Variants in CNTNAP2 observed in about 807,000 individuals in gnomAD.
CNTNAP2 encodes contactin-associated protein-like 2.
In CNTNAP2, 98 loss-of-function variants were observed where a neutral mutation model predicts 155.2. The ratio of observed to expected loss-of-function variants is 0.63; its 90% CI spans 0.54 to 0.75. CNTNAP2 has a LOEUF of 0.75. CNTNAP2 is among the 30% of genes least tolerant of loss of function. The pLI is 0.00. For synonymous variants in CNTNAP2, 651 were observed against 631.2 expected (o/e 1.03, Z -0.47); for missense variants, 1,727 against 1,688.1 (o/e 1.02, Z -0.40).
rs554559980 is a variant in CNTNAP2 at position 147,981,025 on chromosome 7, A to G, written c.2383+3036A>G. Among the ~76,000 whole-genome samples, 4 of 152,130 alleles carry G rather than the reference A, an allele frequency of 2.6e-5. No individual in the cohort carries two copies. The South Asian group carries it at 8.3e-4, about 32-fold the overall frequency. On this transcript the variant is annotated intron_variant, in intron 15 of 23. Coordinates refer to ENST00000361727, the MANE Select transcript of CNTNAP2 (RefSeq NM_014141.6). ...CAACTGCATTTTCCAGTTTTTATACATATGTGATCTCCCTGGTTACACACA... is the reference window on the plus strand; with the variant it reads ...CAACTGCATTTTCCAGTTTTTATACGTATGTGATCTCCCTGGTTACACACA...
Position 147,048,728 on chromosome 7 carries a change from A to G in CNTNAP2, c.550+4674A>G, listed in dbSNP as rs1022233617. On this transcript the variant is annotated intron_variant, in intron 4 of 23. Coordinates refer to ENST00000361727, the MANE Select transcript of CNTNAP2 (RefSeq NM_014141.6). ...TTAATTTTTAATTCATTTAAATTCA[A>G]ATTTAAATAATGTGACTACTGGCTA... 5.3e-5 allele frequency among the ~76,000 whole-genome samples: 8 copies of G among 152,314 alleles called. No individual in the cohort carries two copies. The South Asian group carries it at 1.7e-3, about 32-fold the overall frequency.
chr7:147,190,772 CATTAAACTATGTCACCGTTAGCCAG>C (rs1344273781), intron 8 of CNTNAP2, among the ~76,000 whole-genome samples: 1 of 152,164 alleles, frequency 6.6e-6, no homozygotes, highest in Non-Finnish European at 1.5e-5. Flanking sequence ...CTTTATGAAG[CATTAAACTATGTCACCGTTAGCCAG>C]ATTAAACTCA....
chr7:148,051,715 AAT>A (rs1250610240), intron 15 of CNTNAP2, among the ~76,000 whole-genome samples: 2 of 152,248 alleles, frequency 1.3e-5, no homozygotes, highest in Non-Finnish European at 2.9e-5. Context: ...TACTTTAAAA[AAT>A]AGTTTCTATT....
chr7:147,148,406 A>G (rs970310371), intron 8 of CNTNAP2, among the ~76,000 whole-genome samples: 85 of 151,866 alleles, frequency 5.6e-4, no homozygotes, highest in Middle Eastern at 3.4e-3. Flanking sequence ...AAAAAAAAAA[A>G]AAGTGGTGGG....
chr7:146,433,643 T>A (rs550962627), intron 1 of CNTNAP2, among the ~76,000 whole-genome samples: 6 of 152,236 alleles, frequency 3.9e-5, no homozygotes, highest in Non-Finnish European at 5.9e-5. Context: ...AAAGCAAGCA[T>A]GAAGTCATGA....
At chr7:147,751,941 A>G (rs1052754877) in intron 13 of CNTNAP2, among the ~76,000 whole-genome samples, 3 of 152,210 alleles carry the variant, frequency 2.0e-5, no homozygotes, top group African/African-American at 7.2e-5. Context: ...GGTTAAGTGC[A>G]TATACAAATC....
At chr7:146,730,720 G>T (rs949517949) in intron 1 of CNTNAP2, among the ~76,000 whole-genome samples, 2 of 152,212 alleles carry the variant, frequency 1.3e-5, no homozygotes, top group Non-Finnish European at 2.9e-5. Flanking sequence ...TCAGTGAATA[G>T]AACTCCTACT....
intron 9 of CNTNAP2, among the ~76,000 whole-genome samples, chr7:147,304,929 C>A (rs942116436): frequency 1.3e-5 from 2 of 152,150 alleles, no homozygotes; most frequent in Non-Finnish European, 2.9e-5. Flanking sequence ...AAGCTGCAGA[C>A]AACCATTTTG....
At chr7:147,325,150 A>C (rs1368064476) in intron 9 of CNTNAP2, among the ~76,000 whole-genome samples, 1 of 152,120 alleles carries the variant, frequency 6.6e-6, no homozygotes, top group Non-Finnish European at 1.5e-5. Context: ...AATACAAAAA[A>C]TTAGCTGGGC....
At chr7:146,252,453 C>T (rs193204773) in intron 1 of CNTNAP2, among the ~76,000 whole-genome samples, 8 of 152,252 alleles carry the variant, frequency 5.3e-5, no homozygotes, top group Admixed American at 3.9e-4. Context: ...ACAGACCTTG[C>T]ACTTGCAACT....
At chr7:147,364,781 G>A (rs894396758) in intron 9 of CNTNAP2, among the ~76,000 whole-genome samples, 1 of 151,872 alleles carries the variant, frequency 6.6e-6, no homozygotes, top group Non-Finnish European at 1.5e-5. Flanking sequence ...CTCGGGAGGC[G>A]GAGCTTGCGG....
chr7:146,835,214 A>C (rs1803593063), intron 2 of CNTNAP2, among the ~76,000 whole-genome samples: 1 of 152,234 alleles, frequency 6.6e-6, no homozygotes, highest in Admixed American at 6.5e-5. Flanking sequence ...GGAATGCAGC[A>C]AACAATAAGT....
At chr7:148,247,989 C>T (rs532869232) in intron 20 of CNTNAP2, among the ~76,000 whole-genome samples, 18 of 152,054 alleles carry the variant, frequency 1.2e-4, no homozygotes, top group African/African-American at 4.3e-4. Flanking sequence ...ATGTAAATTG[C>T]ATGCAATGAA....
chr7:146,404,358 C>G (rs928173098), intron 1 of CNTNAP2, among the ~76,000 whole-genome samples: 2 of 152,074 alleles, frequency 1.3e-5, no homozygotes, highest in African/African-American at 4.8e-5. Flanking sequence ...AAACCATGGC[C>G]TGGGGTGGAA....
chr7:147,481,864 G>T (rs763932649), intron 10 of CNTNAP2, among the ~76,000 whole-genome samples: 5 of 152,150 alleles, frequency 3.3e-5, no homozygotes, highest in African/African-American at 4.8e-5. Flanking sequence ...GCTAGGACTT[G>T]CCATGAAACA....
chr7:146,215,587 AT>A (rs1280243849), intron 1 of CNTNAP2, among the ~76,000 whole-genome samples: 1 of 151,168 alleles, frequency 6.6e-6, no homozygotes, highest in African/African-American at 2.4e-5. Flanking sequence ...AACCATATAT[AT>A]TTTTATATCT....
At chr7:146,208,985 G>T (rs1798993608) in intron 1 of CNTNAP2, among the ~76,000 whole-genome samples, 1 of 151,942 alleles carries the variant, frequency 6.6e-6, no homozygotes, top group Non-Finnish European at 1.5e-5. Context: ...CCTATATAAT[G>T]TAGGCAGGCA....
intron 15 of CNTNAP2, among the ~76,000 whole-genome samples, chr7:148,022,898 C>T (rs1244063810): frequency 6.6e-6 from 1 of 152,022 alleles, no homozygotes; most frequent in Non-Finnish European, 1.5e-5. Flanking sequence ...TGCTTGAAAT[C>T]TGAATATAAA....
chr7:146,206,897 C>T (rs1798955951), intron 1 of CNTNAP2, among the ~76,000 whole-genome samples: 1 of 151,980 alleles, frequency 6.6e-6, no homozygotes, highest in African/African-American at 2.4e-5. Flanking sequence ...TTTAAGTCTA[C>T]AATCAAAATA....
Sources: allele counts gnomAD v4.1 joint callset (sites outside exome capture counted in the v4.1 genomes callset), GRCh38; gene constraint gnomAD v4.1.1; transcripts MANE v1.5; gene names NCBI Gene and HGNC (gene_info 2026-07-23, HGNC 2026-07-21).